PNPLA7: variants seen among roughly 807,000 people sequenced by gnomAD.
The protein encoded by PNPLA7 is patatin like domain 7, lysophospholipase, also known as patatin-like phospholipase domain-containing protein 7.
PNPLA7 carries 153 observed loss-of-function variants against 161.7 expected under a neutral mutation model. That is an observed-to-expected ratio of 0.95 (90% CI 0.83 to 1.08). The LOEUF is 1.08. Ranked by LOEUF, PNPLA7 falls within the 50% of genes least tolerant of loss-of-function variation. The pLI is 0.00. For missense variants in PNPLA7, 1,739 were observed against 1,856.6 expected (o/e 0.94, Z 1.16); for synonymous variants, 809 against 782.1 (o/e 1.03, Z -0.57).
chr9:137,540,900 G>C lies in PNPLA7; in HGVS notation c.667-178C>G, dbSNP rs1267148532. The C allele has an allele frequency of 1.7e-6, 1 of 585,540 alleles. No individual in the cohort carries two copies. The highest frequency in any genetic ancestry group is 2.8e-5 in the Admixed American group (1 of 35,710). The allele number at this position is 585,540 out of a possible 1,614,324, so 36.3% of individuals were successfully genotyped here. A position where few individuals can be genotyped will look rare whatever the true frequency, so the allele number is the denominator to read the frequency against. ...ACAAGATGGACCTGCTGGCATCAGGGGTACAACACACAGGAAGCGGCAGCA... is the reference window on the plus strand; with the variant it reads ...ACAAGATGGACCTGCTGGCATCAGGCGTACAACACACAGGAAGCGGCAGCA... On this transcript the variant is annotated intron_variant, in intron 7 of 34. Coordinates refer to ENST00000406427, the MANE Select transcript of PNPLA7 (RefSeq NM_001098537.3). This position sits in a 1 kb window ranked among gnomAD's most constrained non-coding sequence, Gnocchi z 5.1.
Position 137,541,883 on chromosome 9 carries a change from G to A in PNPLA7, c.666+759C>T, listed in dbSNP as rs1026022659. Among the ~76,000 whole-genome samples the A allele has an allele frequency of 2.0e-5, 3 of 151,878 alleles. No homozygotes were observed. The highest frequency in any genetic ancestry group is 7.3e-5 in the African/African-American group (3 of 41,320). On this transcript the variant is annotated intron_variant, in intron 7 of 34. Transcript: ENST00000406427. The surrounding 1 kb of genome is among the most constrained non-coding windows in gnomAD (Gnocchi z 4.4). ...TATAGCCGCAACCTCCCAGACTCAA[G>A]CGATCCTCCCACCTCAGCCCCCAAG...
intron 20 of PNPLA7, chr9:137,491,419 G>A (rs1832756661): frequency 1.1e-6 from 1 of 912,322 alleles, no homozygotes; most frequent in Admixed American, 6.2e-5. Flanking sequence ...GAAGGGATGA[G>A]GAACACATGA....
intron 26 of PNPLA7, among the ~76,000 whole-genome samples, chr9:137,465,887 G>C (rs756289231): frequency 1.1e-4 from 16 of 152,184 alleles, no homozygotes; most frequent in Non-Finnish European, 1.5e-5. Flanking sequence ...CTGGGGAACG[G>C]AGCCTGGCTG....
intron 1 of PNPLA7, 79 bp downstream of exon 1, chr9:137,550,089 C>T (rs921204660): frequency 7.0e-6 from 11 of 1,566,940 alleles, no homozygotes; most frequent in South Asian, 1.1e-5. Flanking sequence ...GCAGAGCAGA[C>T]GCCAAGAGGA....
chr9:137,547,467 CACCCCTGGCTGCCCA>C lies in PNPLA7; in HGVS notation c.106-86_106-72del. 6.3e-7 allele frequency: 1 copy of C among 1,597,894 alleles called. No homozygotes were observed. Among genetic ancestry groups the C allele is most frequent in the Non-Finnish European group, 8.6e-7 (1 of 1,166,314 alleles). ...CTAACCCTAGCCCTAAGCCTGCCCC[CACCCCTGGCTGCCCA>C]ACCACAGGCTGGGCAGGAATGAGCC... On this transcript the variant is annotated intron_variant, in intron 2 of 34. Transcript: ENST00000406427. The surrounding 1 kb of genome is among the most constrained non-coding windows in gnomAD (Gnocchi z 4.6).
At chr9:137,471,564 C>G (rs1831707707) in intron 25 of PNPLA7, among the ~76,000 whole-genome samples, 1 of 148,446 alleles carries the variant, frequency 6.7e-6, no homozygotes, top group South Asian at 2.1e-4. Context: ...CGCCACTGCA[C>G]TCCAGCCTGG....
chr9:137,521,703 C>T lies in PNPLA7; in HGVS notation c.890G>A (p.Arg297Gln), dbSNP rs753570344. ...AGCCAGAAAGGTCACCCTCTGCAGC[C>T]GCACCATGATGATCTGCAAGAACAC... ...LVRVVQIIMVRLQRVTFLALH... is the reference protein window; with the variant it reads ...LVRVVQIIMVQLQRVTFLALH... Residue 297 changes from arginine (R) to glutamine (Q), a missense_variant, in exon 10 of 35, where the codon CGG becomes CAG. By Grantham distance (43) the Arg-to-Gln change is conservative. Coordinates refer to ENST00000406427, the MANE Select transcript of PNPLA7 (RefSeq NM_001098537.3). 18 of 1,610,934 alleles carry T rather than the reference C, an allele frequency of 1.1e-5. No individual in the cohort carries two copies. Among genetic ancestry groups the T allele is most frequent in the Middle Eastern group, 1.7e-4 (1 of 6,056 alleles).
rs963908134 is a variant in PNPLA7 at position 137,468,866 on chromosome 9, G to A, written c.2883-1393C>T. On this transcript the variant is annotated intron_variant, in intron 25 of 34. Transcript: ENST00000406427. The surrounding 1 kb of genome is among the most constrained non-coding windows in gnomAD (Gnocchi z 4.0). ...ATTGGATACTCAAAAATGGTTAAGT[G>A]GTAAATTTTATGTTATGTATATTTT... Among the ~76,000 whole-genome samples, 1 of 151,924 alleles carries A rather than the reference G, an allele frequency of 6.6e-6. No homozygotes were observed. Among genetic ancestry groups the A allele is most frequent in the African/African-American group, 2.4e-5 (1 of 41,322 alleles).
At chr9:137,483,624 T>G (rs1388423634) in intron 21 of PNPLA7, among the ~76,000 whole-genome samples, 1 of 151,822 alleles carries the variant, frequency 6.6e-6, no homozygotes, top group African/African-American at 2.4e-5. Context: ...GCCCAGCTAA[T>G]TTTTGTATTT....
At chr9:137,545,546 T>C (rs765927041) in intron 4 of PNPLA7, among the ~76,000 whole-genome samples, 20 of 152,332 alleles carry the variant, frequency 1.3e-4, no homozygotes, top group Middle Eastern at 3.4e-3. Context: ...ACTGAGGGCA[T>C]GAGCTGTTCC....
chr9:137,487,335 C>T (rs1017756510), intron 20 of PNPLA7, among the ~76,000 whole-genome samples: 1 of 152,260 alleles, frequency 6.6e-6, no homozygotes, highest in African/African-American at 2.4e-5. Flanking sequence ...TCGGGATAAG[C>T]GCTTGGAGCT....
chr9:137,502,875 G>C (rs556954612), intron 14 of PNPLA7, among the ~76,000 whole-genome samples: 4 of 151,678 alleles, frequency 2.6e-5, no homozygotes, highest in Admixed American at 2.0e-4. Context: ...ATTGTGGTTA[G>C]AGATGAATCC....
At chr9:137,489,709 AT>A (rs1832676699) in intron 20 of PNPLA7, among the ~76,000 whole-genome samples, 1 of 152,204 alleles carries the variant, frequency 6.6e-6, no homozygotes, top group African/African-American at 2.4e-5. Context: ...ATGACAGAAC[AT>A]TTTTTTAAAA....
At chr9:137,461,322 G>A (rs1831181805) in intron 33 of PNPLA7, 8 of 518,606 alleles carry the variant, frequency 1.5e-5, no homozygotes, top group Non-Finnish European at 2.7e-5. Flanking sequence ...AAGGGCAGGG[G>A]CTGGGTGACC....
chr9:137,503,776 A>G (rs368413077), intron 14 of PNPLA7, among the ~76,000 whole-genome samples: 1 of 8,032 alleles, frequency 1.2e-4, no homozygotes, highest in Non-Finnish European at 2.1e-4. Context: ...AAAGAAGAAA[A>G]AAGAAAGAAG....
intron 25 of PNPLA7, among the ~76,000 whole-genome samples, chr9:137,471,080 CAAG>C (rs778207635): frequency 4.3e-4 from 66 of 152,130 alleles, no homozygotes; most frequent in Admixed American, 9.8e-4. Context: ...CACAGTAAGG[CAAG>C]AAGAAGAAAC....
At chr9:137,549,975 C>T (rs1270042747) in intron 1 of PNPLA7, among the ~76,000 whole-genome samples, 193 bp downstream of exon 1, 3 of 152,242 alleles carry the variant, frequency 2.0e-5, no homozygotes, top group Non-Finnish European at 4.4e-5. Context: ...CTGTGACAGG[C>T]GCGTCTAACA....
rs1298291693 is a variant in PNPLA7, at chr9:137,490,965, C to T, written c.2197+2048G>A. 6.6e-6 allele frequency among the ~76,000 whole-genome samples: 1 copy of T among 152,184 alleles called. No individual in the cohort carries two copies. Among genetic ancestry groups the T allele is most frequent in the African/African-American group, 2.4e-5 (1 of 41,436 alleles). On this transcript the variant is annotated intron_variant, in intron 20 of 34. Coordinates refer to ENST00000406427, the MANE Select transcript of PNPLA7 (RefSeq NM_001098537.3). The surrounding 1 kb of genome is among the most constrained non-coding windows in gnomAD (Gnocchi z 4.1). ...ACTTAAAGTGCTGAGATGTGGCTGT[C>T]AGTAGACAAGGATAAGTTAGGTATG...
At position 137,506,079 on chromosome 9, in the gene PNPLA7, G is replaced by A. The variant is rs1424316763; in HGVS notation, c.1230C>T (p.Gly410=). 2 of 1,611,122 alleles carry A rather than the reference G, an allele frequency of 1.2e-6. No individual in the cohort carries two copies. The highest frequency in any genetic ancestry group is 2.7e-5 in the African/African-American group (2 of 74,860). The part of the protein sequence containing the change: ...GDPDPSAPQG[G]PGSATSDLGM... Reference sequence around the variant, plus strand: ...CCAGATCAGAAGTGGCACTGCCTGGGCCCCCTACACACAGAGGGGACACTC... The same window carrying A: ...CCAGATCAGAAGTGGCACTGCCTGGACCCCCTACACACAGAGGGGACACTC... Residue 410 remains glycine (G), a synonymous_variant, in exon 13 of 35, where the codon GGC becomes GGT. Coordinates refer to ENST00000406427, the MANE Select transcript of PNPLA7 (RefSeq NM_001098537.3).
Sources: allele counts gnomAD v4.1 joint callset (sites outside exome capture counted in the v4.1 genomes callset), GRCh38; gene constraint gnomAD v4.1.1; non-coding constraint Gnocchi (gnomAD v3.1); transcripts MANE v1.5; gene names NCBI Gene and HGNC (gene_info 2026-07-23, HGNC 2026-07-21).